PPFIA1: variants seen among roughly 807,000 people sequenced by gnomAD.
PPFIA1 encodes the protein liprin-alpha-1.
Under a neutral mutation model 149.9 loss-of-function variants are expected in PPFIA1, and 25 were observed. The ratio of observed to expected loss-of-function variants is 0.17; its 90% confidence interval spans 0.12 to 0.23. The LOEUF is 0.23. Among genes scored for constraint, PPFIA1 ranks in the 10% least tolerant of loss-of-function variants. The probability of loss-of-function intolerance (pLI) is 1.00; values close to 1 mark genes in which losing one functional copy is unlikely to be tolerated. For synonymous variants in PPFIA1, 549 were observed against 552.8 expected (o/e 0.99, Z 0.10); for missense variants, 1,362 against 1,506.5 (o/e 0.90, Z 1.59).
rs142829346 is a variant in PPFIA1, at chr11:70,298,147, C to A, written c.264+25711C>A. Among the ~76,000 whole-genome samples the A allele has an allele frequency of 1.4e-3, 208 of 152,310 alleles. 3 individuals are homozygous for A. In the East Asian group the frequency reaches 0.032, roughly 23 times the overall value. The stretch of plus-strand genomic sequence containing the variant: ...ATCAGATGTTTGGGTTTCCTTCCTT[C>A]CGTCAACTTTTCTGTTATATCACTG... On this transcript the variant is annotated intron_variant, in intron 2 of 27. Coordinates refer to ENST00000253925, the MANE Select transcript of PPFIA1 (RefSeq NM_003626.5).
chr11:70,294,745 G>T (rs2051784209), intron 2 of PPFIA1, among the ~76,000 whole-genome samples: 2 of 151,428 alleles, frequency 1.3e-5, no homozygotes, highest in Admixed American at 6.6e-5. Context: ...ATTAGGGAGT[G>T]GTGATGACTC....
chr11:70,317,508 A>G (rs1267317921), intron 2 of PPFIA1, among the ~76,000 whole-genome samples: 5 of 152,196 alleles, frequency 3.3e-5, no homozygotes, highest in Non-Finnish European at 7.3e-5. Context: ...TGGTAGTTGA[A>G]TATATTGGGA....
At chr11:70,364,030 C>T (rs1002907938) in intron 21 of PPFIA1, among the ~76,000 whole-genome samples, 1 of 152,124 alleles carries the variant, frequency 6.6e-6, no homozygotes, top group Non-Finnish European at 1.5e-5. Flanking sequence ...TGGAAAAGGT[C>T]CCTAAAGAAT....
intron 25 of PPFIA1, among the ~76,000 whole-genome samples, 169 bp downstream of exon 25, chr11:70,376,769 G>C (rs1202710161): frequency 6.6e-6 from 1 of 152,168 alleles, no homozygotes; most frequent in Admixed American, 6.5e-5. Flanking sequence ...TCACAAATGA[G>C]CCTTTAAAAA....
At chr11:70,299,691 T>C (rs2052342498) in intron 2 of PPFIA1, among the ~76,000 whole-genome samples, 1 of 152,158 alleles carries the variant, frequency 6.6e-6, no homozygotes, top group Admixed American at 6.5e-5. Context: ...CCTCTGCCTC[T>C]CATCCAAGCT....
intron 2 of PPFIA1, among the ~76,000 whole-genome samples, chr11:70,295,900 G>A (rs1480667899): frequency 6.6e-6 from 1 of 151,634 alleles, no homozygotes; most frequent in Non-Finnish European, 1.5e-5. Flanking sequence ...CGGCTGCCGG[G>A]CGGAGGGTCT....
At chr11:70,299,764 G>C (rs2052349815) in intron 2 of PPFIA1, among the ~76,000 whole-genome samples, 1 of 152,060 alleles carries the variant, frequency 6.6e-6, no homozygotes, top group East Asian at 1.9e-4. Context: ...TTTCTTTCCT[G>C]ATCCCCCTGA....
At chr11:70,324,726 T>C in intron 3 of PPFIA1, 121 bp from the exon 4 acceptor site, 2 of 1,046,774 alleles carry the variant, frequency 1.9e-6, no homozygotes, top group Non-Finnish European at 1.4e-6. Context: ...GAATTTGTTT[T>C]TCTGCGGAAT....
At chr11:70,369,296 T>C (rs2057112448) in intron 21 of PPFIA1, among the ~76,000 whole-genome samples, 1 of 151,430 alleles carries the variant, frequency 6.6e-6, no homozygotes, top group South Asian at 2.1e-4. Context: ...ATTTTTCTTT[T>C]CAAATGTTGA....
At position 70,382,072 on chromosome 11, in the gene PPFIA1, G is replaced by C; in HGVS notation, c.3551-16G>C. ...ACGCTGTGTTTGCACGCTTCCTCTC[G>C]TGGCTGTTGAAACAGGCAATGTATC... On this transcript the variant is annotated splice_polypyrimidine_tract_variant and intron_variant, in intron 26 of 27. Coordinates refer to ENST00000253925, the MANE Select transcript of PPFIA1 (RefSeq NM_003626.5). 1 of 1,613,552 alleles carries C rather than the reference G, an allele frequency of 6.2e-7. No individual in the cohort carries two copies. Among genetic ancestry groups the C allele is most frequent in the Non-Finnish European group, 8.5e-7 (1 of 1,179,666 alleles).
intron 2 of PPFIA1, among the ~76,000 whole-genome samples, chr11:70,279,783 G>T (rs1249822750): frequency 4.7e-5 from 7 of 148,960 alleles, no homozygotes. Context: ...TAGAGACTGG[G>T]TCTCTCTGTT....
At chr11:70,291,637 T>C (rs1276034032) in intron 2 of PPFIA1, among the ~76,000 whole-genome samples, 1 of 152,164 alleles carries the variant, frequency 6.6e-6, no homozygotes, top group African/African-American at 2.4e-5. Context: ...TTTTTGTGAT[T>C]GATGGAGATC....
At chr11:70,346,118 G>T (rs2055688689) in intron 15 of PPFIA1, 2 of 322,676 alleles carry the variant, frequency 6.2e-6, no homozygotes, top group Admixed American at 3.7e-5. Flanking sequence ...TGGAATCCAA[G>T]AATTGCTTTT....
intron 2 of PPFIA1, among the ~76,000 whole-genome samples, chr11:70,291,073 CG>C (rs1208334944): frequency 6.6e-6 from 1 of 152,000 alleles, no homozygotes; most frequent in African/African-American, 2.4e-5. Context: ...TTAGTAGAGA[CG>C]GGGTTTCTCC....
intron 16 of PPFIA1, chr11:70,350,862 A>T: frequency 6.5e-6 from 2 of 307,136 alleles, no homozygotes; most frequent in Non-Finnish European, 9.9e-6. Context: ...GTATCCAGTT[A>T]CATTTTCTCT....
At chr11:70,338,750 G>GATCTC (rs2055131375) in intron 13 of PPFIA1, among the ~76,000 whole-genome samples, 1 of 152,372 alleles carries the variant, frequency 6.6e-6, no homozygotes, top group Non-Finnish European at 1.5e-5. Flanking sequence ...CAGATCCCAA[G>GATCTC]ATCTCACACC....
chr11:70,348,360 C>T lies in PPFIA1; in HGVS notation c.2103C>T (p.Thr701=). The T allele has an allele frequency of 1.2e-6, 2 of 1,614,122 alleles. No individual in the cohort carries two copies. The highest frequency in any genetic ancestry group is 1.7e-6 in the Non-Finnish European group (2 of 1,179,974). ...CCCCTCCGGGCAGTGGGCGCTCCAC[C>T]CCACGAAGGATCCCTCACAGCCCAG... ...SSSPPGSGRS[T]PRRIPHSPAR... The change falls in exon 16 of 28, where the codon ACC becomes ACT. Residue 701 remains threonine (T), a synonymous_variant. Transcript: ENST00000253925.
chr11:70,293,831 G>A (rs1199477725), intron 2 of PPFIA1, among the ~76,000 whole-genome samples: 1 of 152,050 alleles, frequency 6.6e-6, no homozygotes, highest in East Asian at 1.9e-4. Flanking sequence ...CCCTGCCCTC[G>A]AAGGGGTCCT....
chr11:70,357,259 T>C (rs915386503), intron 19 of PPFIA1, among the ~76,000 whole-genome samples: 10 of 152,286 alleles, frequency 6.6e-5, no homozygotes, highest in Non-Finnish European at 1.0e-4. Context: ...CTGGCCACTT[T>C]TAAGTGCCCT....
Sources: gnomAD v4.1 joint callset for allele counts (sites outside exome capture counted in the v4.1 genomes callset) on GRCh38, gnomAD v4.1.1 for gene constraint, MANE v1.5 for transcripts, NCBI Gene and HGNC (gene_info 2026-07-23, HGNC 2026-07-21) for gene names.